SLC25A41: variants seen among roughly 807,000 people sequenced by gnomAD.
The protein encoded by SLC25A41 is mitochondrial carrier protein SCaMC-3L.
Under a neutral mutation model 34.7 loss-of-function variants are expected in SLC25A41, and 35 were observed. That is an observed-to-expected ratio of 1.01 (90% CI 0.77 to 1.34). The LOEUF (loss-of-function observed/expected upper bound fraction) is 1.34, where lower values mean the gene tolerates loss of function less well. Among genes scored for constraint, SLC25A41 ranks in the 40% most tolerant of loss-of-function variants. The pLI, the probability that SLC25A41 is intolerant of heterozygous loss-of-function variation, is 0.00. For missense variants in SLC25A41, 492 were observed against 489.8 expected, an observed-to-expected ratio of 1.00 and a Z score of -0.04; for synonymous variants, 190 against 209.9, an observed-to-expected ratio of 0.91 and a Z score of 0.82.
chr19:6,429,038 TAATATATATA>T (rs2092258764), intron 4 of SLC25A41, among the ~76,000 whole-genome samples: 1 of 34,940 alleles, frequency 2.9e-5, no homozygotes, highest in Non-Finnish European at 4.4e-5. Context: ...TATATATATA[TAATATATATA>T]TTATATATAT....
intron 1 of SLC25A41, 146 bp downstream of exon 1, chr19:6,433,341 C>A: frequency 1.3e-6 from 1 of 782,112 alleles, no homozygotes; most frequent in East Asian, 2.6e-5. Context: ...GGAGCCATCG[C>A]GCCCTGCCTC....
intron 2 of SLC25A41, chr19:6,430,727 A>T (rs1472165470): frequency 5.8e-6 from 1 of 173,554 alleles, no homozygotes; most frequent in Non-Finnish European, 1.2e-5. Flanking sequence ...ACCTCAGGTG[A>T]TCTGCCCACC....
chr19:6,433,619 T>C lies in SLC25A41; in HGVS notation c.75A>G (p.Leu25=). ...IQTLFRRVKT[L]LIKAPPPPQP... ...GGGGGGGAGGCGGGGCTTTGATGAGTAAGGTCTTGACCCTCCTAAACAGTG... is the reference window on the plus strand; with the variant it reads ...GGGGGGGAGGCGGGGCTTTGATGAGCAAGGTCTTGACCCTCCTAAACAGTG... The change falls in exon 1 of 7, where the codon TTA becomes TTG. Residue 25 remains leucine, a synonymous_variant. Coordinates refer to ENST00000321510, the MANE Select transcript of SLC25A41 (RefSeq NM_173637.4). 1.2e-6 allele frequency: 2 copies of C among 1,611,294 alleles called. No individual in the cohort carries two copies. Among genetic ancestry groups the C allele is most frequent in the Non-Finnish European group, 1.7e-6 (2 of 1,178,786 alleles).
At chr19:6,432,852 G>A (rs938237128) in intron 1 of SLC25A41, among the ~76,000 whole-genome samples, 1 of 148,758 alleles carries the variant, frequency 6.7e-6, no homozygotes, top group African/African-American at 2.5e-5. Context: ...TATTTTAATA[G>A]AGGCAGGGTT....
At chr19:6,429,508 G>GGA (rs2092273844) in intron 4 of SLC25A41, among the ~76,000 whole-genome samples, 1 of 135,990 alleles carries the variant, frequency 7.4e-6, no homozygotes, top group Non-Finnish European at 1.6e-5. Flanking sequence ...AAAGGAGGAG[G>GGA]AGGAGAGGAG....
At chr19:6,430,668 A>C in intron 2 of SLC25A41, 1 of 242,796 alleles carries the variant, frequency 4.1e-6, no homozygotes, top group Non-Finnish European at 8.4e-6. Context: ...TTGTATTTTT[A>C]GTAGAGCTGG....
In SLC25A41 at chr19:6,427,513, G is replaced by A. The variant is rs751459090; in HGVS notation, c.625-12C>T. Reference sequence around the variant, plus strand: ...CGCGTCTTCAGCACCTGAGGATGGCGGGGAACAAGGCAGCTCATTTGATTG... The same window carrying A: ...CGCGTCTTCAGCACCTGAGGATGGCAGGGAACAAGGCAGCTCATTTGATTG... On this transcript the variant is annotated splice_polypyrimidine_tract_variant and intron_variant, in intron 4 of 6. Transcript: ENST00000321510. The surrounding 1 kb of genome is among the most constrained non-coding windows in gnomAD (Gnocchi z 4.9). 8.0e-6 allele frequency: 12 copies of A among 1,504,424 alleles called. No individual in the cohort carries two copies. The highest frequency in any genetic ancestry group is 1.4e-5 in the African/African-American group (1 of 72,526). 93.2% of individuals were successfully genotyped at this position (1,504,424 alleles called of 1,614,324 possible). A position where few individuals can be genotyped will look rare whatever the true frequency, so the allele number is the denominator to read the frequency against.
chr19:6,436,229 C>T (rs1055171248), upstream of SLC25A41: 10 of 286,020 alleles, frequency 3.5e-5, no homozygotes, highest in South Asian at 2.3e-4. Flanking sequence ...CGGCTGTTCC[C>T]GTGATCAGTG....
chr19:6,429,074 A>G (rs189352236), intron 4 of SLC25A41, among the ~76,000 whole-genome samples: 1 of 57,226 alleles, frequency 1.7e-5, no homozygotes, highest in Non-Finnish European at 2.7e-5. Flanking sequence ...ATATATATAT[A>G]ATATATATAT....
chr19:6,430,122 C>T lies in SLC25A41; in HGVS notation c.403G>A (p.Gly135Arg). ...CCCTCCTGGACCATGCTCTGTAGCC[C>T]CCCCAGCAGGTTGGTGAAGTTCGTC... ...SKTNFTNLLGGLQSMVQEGGF... is the reference protein window; with the variant it reads ...SKTNFTNLLGRLQSMVQEGGF... The change falls in exon 3 of 7, where the codon GGG (glycine) becomes AGG (arginine). Residue 135 changes from glycine to arginine, a missense_variant. Coordinates refer to ENST00000321510, the MANE Select transcript of SLC25A41 (RefSeq NM_173637.4). 1 of 1,613,288 alleles carries T rather than the reference C, an allele frequency of 6.2e-7. No homozygotes were observed. The highest frequency in any genetic ancestry group is 1.3e-5 in the African/African-American group (1 of 75,018).
chr19:6,427,027 G>T lies in SLC25A41; in HGVS notation c.940+76C>A. On this transcript the variant is annotated intron_variant, in intron 6 of 6. Transcript: ENST00000321510. This position sits in a 1 kb window ranked among gnomAD's most constrained non-coding sequence, Gnocchi z 4.9. ...CACGGAGGGTGCCGGACTCAGTTTT[G>T]GGGTATGAGAAAATTGAGACAGCCA... The T allele has an allele frequency of 6.7e-7, 1 of 1,493,340 alleles. No individual in the cohort carries two copies. Among genetic ancestry groups the T allele is most frequent in the Non-Finnish European group, 9.1e-7 (1 of 1,103,572 alleles). 92.5% of individuals were successfully genotyped at this position (1,493,340 alleles called of 1,614,324 possible).
intron 2 of SLC25A41, chr19:6,430,520 C>T (rs1359844203): frequency 5.1e-6 from 2 of 394,954 alleles, no homozygotes; most frequent in Non-Finnish European, 9.6e-6. Context: ...CGGAGTCTCA[C>T]TCTGTCGCCC....
chr19:6,429,118 A>G lies in SLC25A41; in HGVS notation c.624+606T>C, dbSNP rs185263205. Among the ~76,000 whole-genome samples the G allele has an allele frequency of 2.5e-3, 138 of 55,606 alleles. 25 individuals are homozygous for G. The highest frequency in any genetic ancestry group is 2.9e-3 in the Admixed American group (8 of 2,780). 36.5% of individuals were successfully genotyped at this position (55,606 alleles called of 152,430 possible). On this transcript the variant is annotated intron_variant, in intron 4 of 6. Coordinates refer to ENST00000321510, the MANE Select transcript of SLC25A41 (RefSeq NM_173637.4). ...TGTTACATATATATATAATATATAT[A>G]TTATATATATGTTATATATATATAT...
rs577207927 is a variant in SLC25A41, at chr19:6,427,316, C to G, written c.792+18G>C. ...TGGGCTCCGGCCAGCCCTGCCACCC[C>G]CTCTGCAGGACCCATACCTCATAGA... On this transcript the variant is annotated intron_variant, in intron 5 of 6. Transcript: ENST00000321510. The surrounding 1 kb of genome is among the most constrained non-coding windows in gnomAD (Gnocchi z 4.9). 274 of 1,605,562 alleles carry G rather than the reference C, an allele frequency of 1.7e-4. No individual in the cohort carries two copies. In the Admixed American group the frequency reaches 4.1e-3, roughly 24 times the overall value.
chr19:6,435,567 C>T (rs917610375), upstream of SLC25A41, among the ~76,000 whole-genome samples: 7 of 152,168 alleles, frequency 4.6e-5, no homozygotes, highest in South Asian at 2.1e-4. Context: ...CTAAAAATAA[C>T]GAAAATTAGC....
At chr19:6,429,472 G>GA in intron 4 of SLC25A41, among the ~76,000 whole-genome samples, 1 of 62,946 alleles carries the variant, frequency 1.6e-5, no homozygotes, top group South Asian at 5.5e-4. Context: ...GAGGAGGAGA[G>GA]GAAAGAGGAG....
At chr19:6,432,278 C>T in intron 1 of SLC25A41, 74 bp from the exon 2 acceptor site, 1 of 1,503,254 alleles carries the variant, frequency 6.7e-7, no homozygotes, top group Non-Finnish European at 9.0e-7. Context: ...ATCTAGGGCA[C>T]CCACCTGGTG....
intron 4 of SLC25A41, among the ~76,000 whole-genome samples, chr19:6,429,257 A>G (rs2092269254): frequency 9.2e-6 from 1 of 108,824 alleles, no homozygotes; most frequent in Non-Finnish European, 1.8e-5. Flanking sequence ...ATATATATGT[A>G]TATGTGTTAT....
At chr19:6,430,447 T>A in intron 2 of SLC25A41, 2 of 508,762 alleles carry the variant, frequency 3.9e-6, no homozygotes, top group Non-Finnish European at 7.1e-6. Flanking sequence ...TCTTTCTCCC[T>A]TTTTGTTCCC....
Sources: gnomAD v4.1 joint callset for allele counts (sites outside exome capture counted in the v4.1 genomes callset) on GRCh38, gnomAD v4.1.1 for gene constraint, Gnocchi (gnomAD v3.1) non-coding constraint, MANE v1.5 for transcripts, NCBI Gene and HGNC (gene_info 2026-07-23, HGNC 2026-07-21) for gene names.